The following SLC12A7 variants were observed in gnomAD, a reference collection of about 807,000 sequenced individuals.
SLC12A7 encodes the protein K-Cl cotransporter 4.
SLC12A7 carries 100 observed loss-of-function variants against 120.6 expected under a neutral mutation model. The observed-to-expected ratio is 0.83, with a 90% CI of 0.71 to 0.98. The LOEUF is 0.98. Among genes scored for constraint, SLC12A7 ranks in the 50% least tolerant of loss-of-function variants. SLC12A7 has a pLI of 0.00. For synonymous variants in SLC12A7, 760 were observed against 678.0 expected, an observed-to-expected ratio of 1.12 and a Z score of -1.88; for missense variants, 1,373 against 1,548.1, an observed-to-expected ratio of 0.89 and a Z score of 1.90.
intron 10 of SLC12A7, 61 bp downstream of exon 10, chr5:1,079,337 G>A: frequency 5.3e-6 from 7 of 1,318,850 alleles, no homozygotes; most frequent in Non-Finnish European, 7.7e-6. Context: ...AGCCGGGGAG[G>A]GCATGGGGGC....
At chr5:1,099,383 G>A (rs1287985260) in intron 1 of SLC12A7, among the ~76,000 whole-genome samples, 3 of 150,982 alleles carry the variant, frequency 2.0e-5, no homozygotes, top group African/African-American at 7.4e-5. Context: ...CCTCCTCCGG[G>A]GGACAGCAGG....
chr5:1,121,201 G>A, the SLC12A7 span, among the ~76,000 whole-genome samples: 1 of 152,146 alleles, frequency 6.6e-6, no homozygotes, highest in Non-Finnish European at 1.5e-5. Flanking sequence ...AAGAGTCCAG[G>A]CCAGCAAATA....
At chr5:1,147,785 C>G in the SLC12A7 span, among the ~76,000 whole-genome samples, 1 of 152,060 alleles carries the variant, frequency 6.6e-6, no homozygotes, top group Admixed American at 6.6e-5. Flanking sequence ...ACTCTGTCAC[C>G]CAGGCTGAGA....
At chr5:1,120,444 C>T in the SLC12A7 span, among the ~76,000 whole-genome samples, 15 of 152,354 alleles carry the variant, frequency 9.8e-5, no homozygotes, top group African/African-American at 2.4e-4. Flanking sequence ...CCGGGGGACG[C>T]GCGCCGTCGG....
chr5:1,067,254 C>T (rs926676245), intron 17 of SLC12A7, among the ~76,000 whole-genome samples: 3 of 152,218 alleles, frequency 2.0e-5, no homozygotes, highest in Non-Finnish European at 2.9e-5. Context: ...ACGTTACCCC[C>T]AAGGGGCACC....
intron 21 of SLC12A7, among the ~76,000 whole-genome samples, chr5:1,059,360 C>T (rs1004857333): frequency 6.6e-6 from 1 of 152,202 alleles, no homozygotes; most frequent in African/African-American, 2.4e-5. Flanking sequence ...CACGCAGACC[C>T]GTGTACTGCA....
chr5:1,090,358 G>A (rs1740361231), intron 3 of SLC12A7, among the ~76,000 whole-genome samples: 1 of 152,198 alleles, frequency 6.6e-6, no homozygotes, highest in Non-Finnish European at 1.5e-5. Context: ...AGAGCCTGGG[G>A]GATTCACTTG....
the SLC12A7 span, among the ~76,000 whole-genome samples, chr5:1,119,652 TC>T: frequency 6.6e-6 from 1 of 152,130 alleles, no homozygotes; most frequent in African/African-American, 2.4e-5. Flanking sequence ...CACCTTCCTC[TC>T]CCCAGCACCC....
the SLC12A7 span, among the ~76,000 whole-genome samples, chr5:1,133,738 C>A: frequency 6.6e-6 from 1 of 152,156 alleles, no homozygotes; most frequent in Non-Finnish European, 1.5e-5. Flanking sequence ...TGAACATCTG[C>A]TGCTGAATCT....
In SLC12A7 at chr5:1,083,879, T is replaced by C. The variant is rs151105532; in HGVS notation, c.995A>G (p.Asn332Ser). ...GCCCCAGAGCGCGGAGGTGGCTGAG[T>C]TGTTGTGGATGCCGTAGGCCTTGAC... ...ACVKAYGIHNNSATSALWGLF... is the reference protein window; with the variant it reads ...ACVKAYGIHNSSATSALWGLF... The change falls in exon 8 of 24, where the codon AAC becomes AGC. Residue 332 changes from asparagine to serine, a missense_variant. Asn to Ser is a conservative substitution (Grantham distance 46, BLOSUM62 1). Coordinates refer to ENST00000264930, the MANE Select transcript of SLC12A7 (RefSeq NM_006598.3). The C allele has an allele frequency of 3.7e-6, 6 of 1,608,066 alleles. No homozygotes were observed. The highest frequency in any genetic ancestry group is 5.1e-6 in the Non-Finnish European group (6 of 1,177,998).
rs1157203569 is a variant in SLC12A7, at chr5:1,079,391, A to G, written c.1396+7T>C. Reference sequence around the variant, plus strand: ...TGGAACCCTCGCCTGCACCCCTCCAAGGATACAGATGAAAGACGTCGTCAC... The same window carrying G: ...TGGAACCCTCGCCTGCACCCCTCCAGGGATACAGATGAAAGACGTCGTCAC... On this transcript the variant is annotated splice_region_variant and intron_variant, in intron 10 of 23. Transcript: ENST00000264930. The G allele has an allele frequency of 1.2e-6, 2 of 1,608,788 alleles. No individual in the cohort carries two copies. The highest frequency in any genetic ancestry group is 1.3e-5 in the African/African-American group (1 of 74,830).
chr5:1,105,879 G>A (rs569930275), intron 1 of SLC12A7, among the ~76,000 whole-genome samples: 2 of 152,210 alleles, frequency 1.3e-5, no homozygotes, highest in East Asian at 1.9e-4. Context: ...TGCCGTCCAC[G>A]CCCAGCCCCA....
chr5:1,063,642 T>TC (rs1293496041), intron 20 of SLC12A7, among the ~76,000 whole-genome samples: 1 of 31,826 alleles, frequency 3.1e-5, no homozygotes, highest in South Asian at 1.0e-3. Context: ...CCTCCTGATC[T>TC]CCCCCTCCAC....
intron 1 of SLC12A7, among the ~76,000 whole-genome samples, chr5:1,099,503 C>CATCAACCCAGCCCCGAA (rs1561103655): frequency 2.7e-5 from 3 of 109,442 alleles, no homozygotes; most frequent in African/African-American, 2.8e-5. Flanking sequence ...CTCCGGGGGA[C>CATCAACCCAGCCCCGAA]GGCAGGCATC....
chr5:1,119,478 C>A, the SLC12A7 span, among the ~76,000 whole-genome samples: 3 of 152,262 alleles, frequency 2.0e-5, no homozygotes, highest in African/African-American at 7.2e-5. Context: ...TACACAAGCC[C>A]TTTGGAAAGC....
Position 1,052,414 on chromosome 5 carries a change from G to A in SLC12A7, c.3198C>T (p.Asn1066=), listed in dbSNP as rs542318570. ...EFLEVLTEGL[N]RVLLVRGGGR... is the part of the protein sequence containing the mutation. Reference sequence around the variant, plus strand: ...CGCCACCCCTGACCAGGAGGACTCTGTTCAGCCCCTCGGTCAGGACTTCAA... The same window carrying A: ...CGCCACCCCTGACCAGGAGGACTCTATTCAGCCCCTCGGTCAGGACTTCAA... The change falls in exon 24 of 24, where the codon AAC becomes AAT. Residue 1066 remains asparagine, a synonymous_variant. Transcript: ENST00000264930. The A allele has an allele frequency of 6.2e-7, 1 of 1,612,900 alleles. No homozygotes were observed. Among genetic ancestry groups the A allele is most frequent in the South Asian group, 1.1e-5 (1 of 91,090 alleles).
rs112702078 is a variant in SLC12A7 at position 1,083,513 on chromosome 5, C to T, written c.1129+232G>A. The stretch of plus-strand genomic sequence containing the variant: ...AATAAATCCATAGCATTAAGACCAG[C>T]TTGCTGACCATGACGGAGGCTGTCT... On this transcript the variant is annotated intron_variant, in intron 8 of 23. Coordinates refer to ENST00000264930, the MANE Select transcript of SLC12A7 (RefSeq NM_006598.3). Among the ~76,000 whole-genome samples, 413 of 152,346 alleles carry T rather than the reference C, an allele frequency of 2.7e-3. 7 individuals carry two copies. Among genetic ancestry groups the T allele is most frequent in the African/African-American group, 9.2e-3 (382 of 41,574 alleles).
intron 9 of SLC12A7, among the ~76,000 whole-genome samples, chr5:1,081,255 T>C (rs971128455): frequency 1.2e-4 from 18 of 151,340 alleles, no homozygotes; most frequent in African/African-American, 4.4e-4. Flanking sequence ...AGCTCAGGAG[T>C]TTGAGACCAG....
the SLC12A7 span, among the ~76,000 whole-genome samples, chr5:1,119,315 G>A: frequency 6.6e-6 from 1 of 152,312 alleles, no homozygotes; most frequent in Non-Finnish European, 1.5e-5. Flanking sequence ...TTTGGGGTGA[G>A]TTTTCTGGAC....
Sources: allele counts gnomAD v4.1 joint callset (sites outside exome capture counted in the v4.1 genomes callset), GRCh38; gene constraint gnomAD v4.1.1; transcripts MANE v1.5; gene names NCBI Gene and HGNC (gene_info 2026-07-23, HGNC 2026-07-21).